Variants in FBXL2 observed in about 807,000 individuals in gnomAD.
FBXL2 encodes the protein F-box and leucine rich repeat protein 2.
Under a neutral mutation model 69.2 loss-of-function variants are expected in FBXL2, and 38 were observed. The ratio of observed to expected loss-of-function variants is 0.55; its 90% confidence interval spans 0.42 to 0.72. The LOEUF (loss-of-function observed/expected upper bound fraction) is 0.72, where lower values mean the gene tolerates loss of function less well. FBXL2 is among the 30% of genes least tolerant of loss of function. The probability of loss-of-function intolerance (pLI) is 0.00; values close to 1 mark genes in which losing one functional copy is unlikely to be tolerated. For missense variants in FBXL2, 354 were observed against 520.3 expected, an observed-to-expected ratio of 0.68 and a Z score of 3.11; for synonymous variants, 192 against 201.3, an observed-to-expected ratio of 0.95 and a Z score of 0.39.
intron 12 of FBXL2, chr3:33,397,283 A>G: frequency 1.9e-6 from 1 of 537,698 alleles, no homozygotes; most frequent in Non-Finnish European, 3.1e-6. Context: ...AAGAAGACAA[A>G]CAGACACCTG....
intron 2 of FBXL2, among the ~76,000 whole-genome samples, chr3:33,301,202 A>T (rs572041286): frequency 6.6e-6 from 1 of 152,208 alleles, no homozygotes; most frequent in South Asian, 2.1e-4. Flanking sequence ...TTTATTTCAT[A>T]TTGTAGACTT....
downstream of FBXL2, chr3:33,390,089 C>G (rs574029826): frequency 3.7e-4 from 175 of 471,650 alleles, no homozygotes; most frequent in Non-Finnish European, 5.9e-4. Context: ...ATGCCTGCAC[C>G]GTGGCCTCCA....
intron 2 of FBXL2, among the ~76,000 whole-genome samples, chr3:33,301,522 A>G (rs148538992): frequency 4.6e-5 from 7 of 152,214 alleles, no homozygotes; most frequent in South Asian, 2.1e-4. Flanking sequence ...AGAAAAATCT[A>G]TGTTTTCTTT....
Position 33,385,819 on chromosome 3 carries a change from G to A in FBXL2, c.*211G>A. ...ACAATCAAATCAAAGCCTTGTGTCAGTTAACACATGACAAGTGGTCTCAAT... is the reference window on the plus strand; with the variant it reads ...ACAATCAAATCAAAGCCTTGTGTCAATTAACACATGACAAGTGGTCTCAAT... On this transcript the variant is annotated 3_prime_UTR_variant, in exon 15 of 15. Transcript: ENST00000484457. The A allele has an allele frequency of 1.7e-6, 1 of 572,170 alleles. No individual in the cohort carries two copies. The allele number at this position is 572,170 out of a possible 1,614,324, so 35.4% of individuals were successfully genotyped here. A position where few individuals can be genotyped will look rare whatever the true frequency, so the allele number is the denominator to read the frequency against.
At chr3:33,394,823 T>C (rs966366871) in intron 12 of FBXL2, among the ~76,000 whole-genome samples, 1 of 150,834 alleles carries the variant, frequency 6.6e-6, no homozygotes, top group Non-Finnish European at 1.5e-5. Context: ...ACTTGTTTTT[T>C]TTTTTTTTTT....
intron 1 of FBXL2, among the ~76,000 whole-genome samples, chr3:33,281,275 A>G (rs1037931258): frequency 1.3e-5 from 2 of 151,598 alleles, no homozygotes; most frequent in South Asian, 2.1e-4. Flanking sequence ...ATTCCCACCT[A>G]TGAGTGAGAA....
chr3:33,418,860 CAAAAAAAAA>C, the FBXL2 span, among the ~76,000 whole-genome samples: 8 of 76,754 alleles, frequency 1.0e-4, no homozygotes, highest in African/African-American at 2.0e-4. Context: ...ACTCTGTCTC[CAAAAAAAAA>C]AAAAAAAAAA....
intron 5 of FBXL2, among the ~76,000 whole-genome samples, chr3:33,370,384 C>G (rs1270666940): frequency 6.6e-6 from 1 of 150,592 alleles, no homozygotes; most frequent in African/African-American, 2.5e-5. Flanking sequence ...CACCACTGCA[C>G]TCCAGCCTGG....
chr3:33,381,967 C>A (rs2043094725), intron 13 of FBXL2, among the ~76,000 whole-genome samples: 1 of 152,210 alleles, frequency 6.6e-6, no homozygotes, highest in Non-Finnish European at 1.5e-5. Flanking sequence ...CCTCTAGCTT[C>A]CCTTCCCTCG....
intron 13 of FBXL2, among the ~76,000 whole-genome samples, chr3:33,381,167 C>T (rs1420803126): frequency 1.3e-5 from 2 of 152,176 alleles, no homozygotes; most frequent in Admixed American, 6.5e-5. Context: ...TATGCCAGTA[C>T]ATAAGTTTTT....
At chr3:33,347,319 G>C (rs1313425089) in intron 2 of FBXL2, among the ~76,000 whole-genome samples, 1 of 152,182 alleles carries the variant, frequency 6.6e-6, no homozygotes, top group Non-Finnish European at 1.5e-5. Context: ...TTGTATGGCT[G>C]AATGTATATA....
intron 13 of FBXL2, among the ~76,000 whole-genome samples, chr3:33,380,523 A>T (rs1017919332): frequency 1.4e-5 from 2 of 145,764 alleles, no homozygotes; most frequent in Non-Finnish European, 3.0e-5. Flanking sequence ...TCGCCATTGC[A>T]CTCCAGCCTG....
chr3:33,308,450 C>CAAATT (rs2036909261), intron 2 of FBXL2, among the ~76,000 whole-genome samples: 1 of 152,198 alleles, frequency 6.6e-6, no homozygotes, highest in African/African-American at 2.4e-5. Flanking sequence ...TTTAGGACTA[C>CAAATT]AGGTATCACT....
the FBXL2 span, chr3:33,411,672 A>C: frequency 6.2e-7 from 1 of 1,614,016 alleles, no homozygotes; most frequent in Non-Finnish European, 8.5e-7. Flanking sequence ...AATTATTCCC[A>C]CAGACATTGG....
At chr3:33,294,158 G>T (rs533318447) in intron 1 of FBXL2, among the ~76,000 whole-genome samples, 4 of 152,220 alleles carry the variant, frequency 2.6e-5, no homozygotes, top group African/African-American at 9.6e-5. Context: ...GTGCAGTAGC[G>T]TGGTCATAGC....
At chr3:33,283,907 T>C (rs781468683) in intron 1 of FBXL2, among the ~76,000 whole-genome samples, 6 of 152,232 alleles carry the variant, frequency 3.9e-5, no homozygotes, top group Non-Finnish European at 8.8e-5. Flanking sequence ...CCGTTTATGA[T>C]CTTTTATTGC....
chr3:33,416,112 T>C, the FBXL2 span: 3 of 152,194 alleles, frequency 2.0e-5, no homozygotes, highest in African/African-American at 7.2e-5. Flanking sequence ...TGTGGGAAGA[T>C]GGAAGGATCA....
At chr3:33,392,961 C>T (rs1057002611), downstream of FBXL2, 2 of 314,484 alleles carry the variant, frequency 6.4e-6, no homozygotes, top group South Asian at 9.8e-5. Flanking sequence ...ATATATCTTA[C>T]ATGTTTTTTT....
chr3:33,304,710 G>A (rs1042092406), intron 2 of FBXL2, among the ~76,000 whole-genome samples: 6 of 151,944 alleles, frequency 3.9e-5, no homozygotes, highest in Non-Finnish European at 1.5e-5. Flanking sequence ...ACTTTATAAA[G>A]AAATATTAAA....
Sources: allele counts gnomAD v4.1 joint callset (sites outside exome capture counted in the v4.1 genomes callset), GRCh38; gene constraint gnomAD v4.1.1; transcripts MANE v1.5; gene names NCBI Gene and HGNC (gene_info 2026-07-23, HGNC 2026-07-21).